Variants in RORB observed in about 807,000 individuals in gnomAD.
The protein encoded by RORB is RAR related orphan receptor B, also known as nuclear receptor ROR-beta.
In RORB, 6 loss-of-function variants were observed where a neutral mutation model predicts 59.1. The ratio of observed to expected loss-of-function variants is 0.10; its 90% confidence interval spans 0.06 to 0.20. The LOEUF (loss-of-function observed/expected upper bound fraction) is 0.20. Among genes scored for constraint, RORB ranks in the 10% least tolerant of loss-of-function variants. The pLI, the probability that RORB is intolerant of heterozygous loss-of-function variation, is 1.00. For synonymous variants in RORB, 215 were observed against 204.5 expected (o/e 1.05, Z -0.44); for missense variants, 320 against 560.5 (o/e 0.57, Z 4.33).
intron 1 of RORB, among the ~76,000 whole-genome samples, chr9:74,588,209 T>C (rs1822835751): frequency 6.6e-6 from 1 of 152,092 alleles, no homozygotes; most frequent in African/African-American, 2.4e-5. Flanking sequence ...AGCGTAATAA[T>C]TAAGGCAAGT....
intron 1 of RORB, among the ~76,000 whole-genome samples, chr9:74,617,668 C>G (rs939984876): frequency 2.6e-5 from 4 of 152,178 alleles, no homozygotes; most frequent in African/African-American, 7.2e-5. Flanking sequence ...GCCTCCACCT[C>G]AGTCCCACAC....
At chr9:74,534,766 C>T (rs988616379) in intron 1 of RORB, among the ~76,000 whole-genome samples, 2 of 152,058 alleles carry the variant, frequency 1.3e-5, no homozygotes, top group African/African-American at 4.8e-5. Flanking sequence ...AATATTTTGA[C>T]ATAATGATCA....
chr9:74,658,004 C>CAAAA (rs60719147), intron 4 of RORB, among the ~76,000 whole-genome samples: 276 of 97,696 alleles, frequency 2.8e-3, no homozygotes, highest in Middle Eastern at 6.3e-3. Flanking sequence ...GACTCGGTCT[C>CAAAA]AAAAAAAAAA....
chr9:74,588,618 A>G (rs1822842108), intron 1 of RORB, among the ~76,000 whole-genome samples: 1 of 152,180 alleles, frequency 6.6e-6, no homozygotes. Context: ...AAGATATTAT[A>G]CTCTTAATTC....
intron 1 of RORB, among the ~76,000 whole-genome samples, chr9:74,618,131 G>GCACA (rs1191250994): frequency 6.6e-6 from 1 of 151,074 alleles, no homozygotes; most frequent in Non-Finnish European, 1.5e-5. Flanking sequence ...ACACACAGAC[G>GCACA]CACACACACA....
chr9:74,634,503 T>C, intron 2 of RORB, 128 bp from the exon 3 acceptor site: 1 of 738,460 alleles, frequency 1.4e-6, no homozygotes, highest in Non-Finnish European at 2.1e-6. Context: ...CAAGAAGAGG[T>C]ATCCAAAGAG....
intron 1 of RORB, among the ~76,000 whole-genome samples, chr9:74,518,471 CAG>C (rs1487852815): frequency 9.9e-5 from 15 of 151,984 alleles, no homozygotes; most frequent in African/African-American, 3.4e-4. Context: ...TCACAAAAGA[CAG>C]ACTGTCTTCT....
intron 1 of RORB, among the ~76,000 whole-genome samples, chr9:74,513,897 T>A (rs972344323): frequency 6.6e-5 from 10 of 152,092 alleles, no homozygotes; most frequent in African/African-American, 2.4e-4. Context: ...TACTATGTAA[T>A]CTACTTTTAC....
rs558760692 is a variant in RORB at position 74,605,388 on chromosome 9, A to G, written c.8-24894A>G. On this transcript the variant is annotated intron_variant, in intron 1 of 9. Transcript: ENST00000376896. ...GGTCAGTAACCTCCTATGGACCAGCAGTATCCCAACAGGGGCCTTTTGGGG... is the reference window on the plus strand; with the variant it reads ...GGTCAGTAACCTCCTATGGACCAGCGGTATCCCAACAGGGGCCTTTTGGGG... 5.9e-5 allele frequency among the ~76,000 whole-genome samples: 9 copies of G among 152,346 alleles called. No individual in the cohort carries two copies. In the South Asian group the frequency reaches 1.9e-3, roughly 32 times the overall value.
At chr9:74,634,137 T>C (rs1823664160) in intron 2 of RORB, among the ~76,000 whole-genome samples, 1 of 127,856 alleles carries the variant, frequency 7.8e-6, no homozygotes, top group Non-Finnish European at 1.8e-5. Context: ...AATTTTATGG[T>C]GGGGAAAAAC....
chr9:74,640,565 A>G (rs566676975), intron 3 of RORB, among the ~76,000 whole-genome samples: 6 of 152,156 alleles, frequency 3.9e-5, no homozygotes, highest in African/African-American at 7.2e-5. Flanking sequence ...TTACAGGTGC[A>G]AGCCACCGCA....
At chr9:74,507,420 G>A (rs1825884411) in intron 1 of RORB, among the ~76,000 whole-genome samples, 1 of 152,004 alleles carries the variant, frequency 6.6e-6, no homozygotes, top group Non-Finnish European at 1.5e-5. Context: ...TATTTGCCTA[G>A]TGTAATGAAA....
chr9:74,534,209 A>G (rs1009555098), intron 1 of RORB, among the ~76,000 whole-genome samples: 1 of 152,076 alleles, frequency 6.6e-6, no homozygotes, highest in African/African-American at 2.4e-5. Flanking sequence ...TAAGGAGCTA[A>G]GAGGGTTCTG....
chr9:74,516,383 A>G (rs1417282304), intron 1 of RORB, among the ~76,000 whole-genome samples: 1 of 152,014 alleles, frequency 6.6e-6, no homozygotes, highest in East Asian at 1.9e-4. Flanking sequence ...CATCTATAAT[A>G]TATGTATAAT....
intron 1 of RORB, among the ~76,000 whole-genome samples, chr9:74,556,114 A>T (rs1822287597): frequency 6.6e-6 from 1 of 152,230 alleles, no homozygotes; most frequent in Non-Finnish European, 1.5e-5. Context: ...TGCTGATATA[A>T]CATAATTATT....
Position 74,584,502 on chromosome 9 carries a change from A to T in RORB, c.8-45780A>T, listed in dbSNP as rs543613801. 2.2e-4 allele frequency among the ~76,000 whole-genome samples: 34 copies of T among 152,302 alleles called. No homozygotes were observed. The South Asian group carries it at 7.0e-3, about 32-fold the overall frequency. On this transcript the variant is annotated intron_variant, in intron 1 of 9. Coordinates refer to ENST00000376896, the MANE Select transcript of RORB (RefSeq NM_006914.4). ...TATAGTCAGTACTCATTTAAATGTT[A>T]GTTTCTTATTATTTCTGCAGGAAGT...
chr9:74,690,760 A>G lies in RORB; in HGVS notation c.*5142A>G, dbSNP rs1824728172. On this transcript the variant is annotated 3_prime_UTR_variant, in exon 10 of 10. Coordinates refer to ENST00000376896, the MANE Select transcript of RORB (RefSeq NM_006914.4). The stretch of plus-strand genomic sequence containing the variant: ...CAACTAGAGGATATAACAGGAGGTC[A>G]GTTTAAAAAATAGCAAACAGTCTAA... 1 of 152,228 alleles carries G rather than the reference A, an allele frequency of 6.6e-6. No individual in the cohort carries two copies. The highest frequency in any genetic ancestry group is 1.5e-5 in the Non-Finnish European group (1 of 68,042). 9.4% of individuals were successfully genotyped at this position (152,228 alleles called of 1,614,324 possible).
intron 1 of RORB, among the ~76,000 whole-genome samples, chr9:74,530,797 A>C (rs1445056278): frequency 6.6e-6 from 1 of 151,946 alleles, no homozygotes; most frequent in Non-Finnish European, 1.5e-5. Context: ...ATATGTACAC[A>C]TGTGCCACGT....
intron 1 of RORB, among the ~76,000 whole-genome samples, chr9:74,627,005 T>C (rs1197773500): frequency 6.6e-6 from 1 of 151,630 alleles, no homozygotes; most frequent in Non-Finnish European, 1.5e-5. Flanking sequence ...CTACTAAAAA[T>C]ACAAAAATTA....
Sources: allele counts gnomAD v4.1 joint callset (sites outside exome capture counted in the v4.1 genomes callset), GRCh38; gene constraint gnomAD v4.1.1; transcripts MANE v1.5; gene names NCBI Gene and HGNC (gene_info 2026-07-23, HGNC 2026-07-21).